Variants in ARHGAP29 observed in about 807,000 individuals in gnomAD.
ARHGAP29 encodes rho GTPase-activating protein 29.
In ARHGAP29, 43 loss-of-function variants were observed where a neutral mutation model predicts 122.6. That is an observed-to-expected ratio of 0.35 (90% CI 0.27 to 0.45). The LOEUF is 0.45. Among genes scored for constraint, ARHGAP29 ranks in the 20% least tolerant of loss-of-function variants. The pLI, the probability that ARHGAP29 is intolerant of heterozygous loss-of-function variation, is 1.00. For synonymous variants in ARHGAP29, 506 were observed against 497.1 expected (o/e 1.02, Z -0.24); for missense variants, 1,303 against 1,477.2 (o/e 0.88, Z 1.93).
chr1:94,241,409 A>C (rs1653567749), upstream of ARHGAP29, among the ~76,000 whole-genome samples: 1 of 152,004 alleles, frequency 6.6e-6, no homozygotes, highest in African/African-American at 2.4e-5. Flanking sequence ...TGAGGTCAGG[A>C]GTTTGAGACC....
intron 1 of ARHGAP29, among the ~76,000 whole-genome samples, chr1:94,270,563 G>A (rs1654949762): frequency 6.6e-6 from 1 of 152,100 alleles, no homozygotes; most frequent in Non-Finnish European, 1.5e-5. Flanking sequence ...AGCACCAGAG[G>A]GCCAAGTAAA....
chr1:94,266,100 A>G (rs1010389675), intron 1 of ARHGAP29, among the ~76,000 whole-genome samples: 1 of 152,200 alleles, frequency 6.6e-6, no homozygotes, highest in Admixed American at 6.5e-5. Flanking sequence ...GATTAAAGGA[A>G]ACCGAAATCT....
At chr1:94,232,024 C>G (rs67070250) in intron 1 of ARHGAP29, among the ~76,000 whole-genome samples, 28,472 of 151,972 alleles carry the variant, frequency 0.19, 3,291 homozygotes, top group East Asian at 0.31. Context: ...CTCTTGATTC[C>G]TAGGGTATAG....
At chr1:94,207,485 C>T (rs916975363) in intron 5 of ARHGAP29, among the ~76,000 whole-genome samples, 5 of 151,788 alleles carry the variant, frequency 3.3e-5, no homozygotes, top group Admixed American at 6.6e-5. Context: ...AATATGTATG[C>T]ACAATAGAGG....
the ARHGAP29 span, among the ~76,000 whole-genome samples, chr1:94,311,080 G>A: frequency 1.3e-5 from 2 of 152,146 alleles, no homozygotes; most frequent in African/African-American, 2.4e-5. Context: ...GGCAACAAGC[G>A]CCTACAAGGA....
chr1:94,231,618 A>C lies in ARHGAP29; in HGVS notation c.-7T>G. ...TCTGTTTGTGAGCAATCATCCTTTCATGTAACAGTCAGAAAAACTGAAATC... is the reference window on the plus strand; with the variant it reads ...TCTGTTTGTGAGCAATCATCCTTTCCTGTAACAGTCAGAAAAACTGAAATC... On this transcript the variant is annotated 5_prime_UTR_variant, in exon 2 of 23. An upstream start codon of the reference 5' UTR is lost. Transcript: ENST00000260526. 6.2e-7 allele frequency: 1 copy of C among 1,610,666 alleles called. No homozygotes were observed. Among genetic ancestry groups the C allele is most frequent in the Non-Finnish European group, 8.5e-7 (1 of 1,178,858 alleles).
the ARHGAP29 span, among the ~76,000 whole-genome samples, chr1:94,313,154 G>C: frequency 6.6e-6 from 1 of 152,106 alleles, no homozygotes; most frequent in African/African-American, 2.4e-5. Context: ...TCTTCTAGTT[G>C]CTTTGGAAAA....
the ARHGAP29 span, among the ~76,000 whole-genome samples, chr1:94,290,931 A>G: frequency 6.6e-6 from 1 of 152,198 alleles, no homozygotes; most frequent in African/African-American, 2.4e-5. Flanking sequence ...GTAGATGTCT[A>G]TTAGGTCCAC....
At chr1:94,267,187 TA>T (rs1353965798) in intron 1 of ARHGAP29, among the ~76,000 whole-genome samples, 4 of 152,198 alleles carry the variant, frequency 2.6e-5, no homozygotes, top group African/African-American at 9.7e-5. Flanking sequence ...TATGGACTGT[TA>T]AAGTAGAAAA....
chr1:94,194,634 G>C (rs764440633), intron 12 of ARHGAP29: 1 of 152,176 alleles, frequency 6.6e-6, no homozygotes, highest in African/African-American at 2.4e-5. Flanking sequence ...GCTCCACCTA[G>C]TCACCTCCCA....
chr1:94,237,713 G>T, upstream of ARHGAP29: 1 of 985,294 alleles, frequency 1.0e-6, no homozygotes, highest in Middle Eastern at 5.2e-4. Flanking sequence ...GGTACGGGAG[G>T]CAACTAGCTC....
chr1:94,213,012 A>T (rs1208622199), intron 3 of ARHGAP29, among the ~76,000 whole-genome samples: 1 of 152,076 alleles, frequency 6.6e-6, no homozygotes, highest in African/African-American at 2.4e-5. Flanking sequence ...ATTTTGCCAT[A>T]TTTCTCCTTA....
Position 94,220,409 on chromosome 1 carries a change from A to G in ARHGAP29, c.206-17T>C. On this transcript the variant is annotated splice_polypyrimidine_tract_variant and intron_variant, in intron 2 of 22. Transcript: ENST00000260526. ...TAAAACAGTCTTTAAAAAGAAAAAA[A>G]AATAATTTATTTCCAGAGCAAAGTT... 6.4e-7 allele frequency: 1 copy of G among 1,560,148 alleles called. No individual in the cohort carries two copies. Among genetic ancestry groups the G allele is most frequent in the South Asian group, 1.2e-5 (1 of 83,938 alleles).
At chr1:94,276,031 G>A (rs199630071), upstream of ARHGAP29, among the ~76,000 whole-genome samples, 2 of 152,078 alleles carry the variant, frequency 1.3e-5, no homozygotes, top group East Asian at 3.9e-4. Context: ...GCTGATGCGG[G>A]CAGATTACTT....
upstream of ARHGAP29, among the ~76,000 whole-genome samples, chr1:94,240,321 T>G (rs563311677): frequency 1.1e-4 from 16 of 152,312 alleles, no homozygotes; most frequent in African/African-American, 3.4e-4. Flanking sequence ...AAAAAATACA[T>G]TATCTGCCAT....
At position 94,191,814 on chromosome 1, in the gene ARHGAP29, T is replaced by A. The variant is rs567695806; in HGVS notation, c.1282-1731A>T. ...GCTCTCAAAGTAATGGCAATATGAC[T>A]GGTCCAAGGACCGCATCTTGAGAAG... On this transcript the variant is annotated intron_variant, in intron 12 of 22. Transcript: ENST00000260526. 6 of 152,334 alleles carry A rather than the reference T, an allele frequency of 3.9e-5. No homozygotes were observed. In the East Asian group the frequency reaches 1.2e-3, roughly 29 times the overall value. The allele number at this position is 152,334 out of a possible 1,614,324, so 9.4% of individuals were successfully genotyped here. A position where few individuals can be genotyped will look rare whatever the true frequency, so the allele number is the denominator to read the frequency against.
rs1648721290 is a variant in ARHGAP29, at chr1:94,171,258, T to C, written c.*2611A>G. Among the ~76,000 whole-genome samples, 1 of 152,170 alleles carries C rather than the reference T, an allele frequency of 6.6e-6. No individual in the cohort carries two copies. Among genetic ancestry groups the C allele is most frequent in the South Asian group, 2.1e-4 (1 of 4,832 alleles). On this transcript the variant is annotated 3_prime_UTR_variant, in exon 23 of 23. Coordinates refer to ENST00000260526, the MANE Select transcript of ARHGAP29 (RefSeq NM_004815.4). ...ACTAGGCAACAAGTCTCAGGGATCA[T>C]ATAGTCTTTGTCTCTGTATCAAAAC...
In ARHGAP29 at chr1:94,174,311, C is replaced by T. The variant is rs1648945976; in HGVS notation, c.3344G>A (p.Gly1115Glu). The T allele has an allele frequency of 1.9e-6, 3 of 1,614,128 alleles. No individual in the cohort carries two copies. The highest frequency in any genetic ancestry group is 3.3e-4 in the Middle Eastern group (2 of 6,062). The change falls in exon 23 of 23, where the codon GGG becomes GAG. Residue 1115 changes from glycine (G) to glutamate (E), a missense_variant. Coordinates refer to ENST00000260526, the MANE Select transcript of ARHGAP29 (RefSeq NM_004815.4). ...TTGAGTGGCATTGATAGAATGGTCC[C>T]CACTAATCTGGAGGCTTGTTGTCAC... ...KGVTTSLQIS[G>E]DHSINATQPS...
At chr1:94,228,822 G>A (rs1368949036) in intron 2 of ARHGAP29, among the ~76,000 whole-genome samples, 3 of 151,696 alleles carry the variant, frequency 2.0e-5, no homozygotes, top group South Asian at 2.1e-4. Context: ...AAACAACTGC[G>A]GCAAAAGTCA....
Sources: allele counts gnomAD v4.1 joint callset (sites outside exome capture counted in the v4.1 genomes callset), GRCh38; gene constraint gnomAD v4.1.1; transcripts MANE v1.5; gene names NCBI Gene and HGNC (gene_info 2026-07-23, HGNC 2026-07-21).